LRRC36: variants seen among roughly 807,000 people sequenced by gnomAD.
The protein encoded by LRRC36 is leucine-rich repeat-containing protein 36.
Under a neutral mutation model 81.1 loss-of-function variants are expected in LRRC36, and 62 were observed. The observed-to-expected ratio is 0.76, with a 90% CI of 0.62 to 0.94. LRRC36 has a LOEUF of 0.94. LRRC36 is among the 40% of genes least tolerant of loss of function. LRRC36 has a pLI of 0.00. For missense variants in LRRC36, 761 were observed against 881.7 expected (o/e 0.86, Z 1.73); for synonymous variants, 334 against 348.6 (o/e 0.96, Z 0.47).
At position 67,347,584 on chromosome 16, in the gene LRRC36, GA is replaced by G; in HGVS notation, c.487del (p.Ser163AlafsTer7). ...GNSENFLLEV[E>X]KSSREKTMKN... ...CAGTGAAAATTTTCTTTTAGAGGTG[GA>G]AAAAAGGTAAGAAGATTCTTTACAA... On this transcript the variant is annotated frameshift_variant, in exon 4 of 14. Coordinates refer to ENST00000329956, the MANE Select transcript of LRRC36 (RefSeq NM_018296.6). LOFTEE classifies it high-confidence loss of function. 1.2e-6 allele frequency: 2 copies of G among 1,609,208 alleles called. No individual in the cohort carries two copies. Among genetic ancestry groups the G allele is most frequent in the Non-Finnish European group, 1.7e-6 (2 of 1,176,858 alleles).
At chr16:67,345,230 C>T (rs980295964) in intron 2 of LRRC36, among the ~76,000 whole-genome samples, 1 of 151,218 alleles carries the variant, frequency 6.6e-6, no homozygotes, top group Non-Finnish European at 1.5e-5. Context: ...GAGAGCATCA[C>T]TTGAGCCCAG....
At chr16:67,376,076 G>A (rs1381644252) in intron 10 of LRRC36, among the ~76,000 whole-genome samples, 2 of 152,194 alleles carry the variant, frequency 1.3e-5, no homozygotes, top group Non-Finnish European at 1.5e-5. Context: ...TTGGGAGGCC[G>A]AGGTGGGTGG....
chr16:67,347,740 CT>C (rs781342769), intron 4 of LRRC36, 149 bp downstream of exon 4: 9 of 589,308 alleles, frequency 1.5e-5, no homozygotes, highest in Non-Finnish European at 2.7e-5. Flanking sequence ...ATTCTGCAAA[CT>C]GAGATTTATC....
chr16:67,346,237 T>C lies in LRRC36; in HGVS notation c.199-19T>C. On this transcript the variant is annotated intron_variant, in intron 2 of 13. Coordinates refer to ENST00000329956, the MANE Select transcript of LRRC36 (RefSeq NM_018296.6). ...TCTTTACCAATATGCCATTTCATAA[T>C]GTGGTGTTTTCCTTGTAGGGAATCC... 3 of 1,454,264 alleles carry C rather than the reference T, an allele frequency of 2.1e-6. No homozygotes were observed. The highest frequency in any genetic ancestry group is 2.8e-6 in the Non-Finnish European group (3 of 1,065,954). The allele number at this position is 1,454,264 out of a possible 1,614,324, so 90.1% of individuals were successfully genotyped here.
Position 67,367,185 on chromosome 16 carries a change from G to A in LRRC36, c.923G>A (p.Ser308Asn). The A allele has an allele frequency of 6.8e-6, 11 of 1,614,162 alleles. No homozygotes were observed. The highest frequency in any genetic ancestry group is 9.3e-6 in the Non-Finnish European group (11 of 1,180,034). ...TFHLTHDASL[S>N]KCLDVGDSSQ... ...CATCTTACCCATGATGCCTCATTGA[G>A]TAAATGCCTGGATGTGGGTGATTCT... The change falls in exon 8 of 14, where the codon AGT becomes AAT. Residue 308 changes from serine to asparagine, a missense_variant. By Grantham distance (46) the Ser-to-Asn change is conservative. Coordinates refer to ENST00000329956, the MANE Select transcript of LRRC36 (RefSeq NM_018296.6).
intron 2 of LRRC36, among the ~76,000 whole-genome samples, chr16:67,345,498 C>T (rs1036869638): frequency 1.3e-5 from 2 of 152,060 alleles, no homozygotes; most frequent in African/African-American, 4.8e-5. Flanking sequence ...CCTGATTGTA[C>T]TGTTGCCAGT....
At position 67,353,631 on chromosome 16, in the gene LRRC36, C is replaced by T. The variant is rs185229162; in HGVS notation, c.577+3341C>T. Among the ~76,000 whole-genome samples the T allele has an allele frequency of 1.5e-3, 236 of 152,312 alleles. 2 individuals carry two copies. The highest frequency in any genetic ancestry group is 5.3e-3 in the African/African-American group (221 of 41,560). Reference sequence around the variant, plus strand: ...CGAACTCCTGGCCTCAAGTGACCCACGTTCCTCGGCCTCCCAAGGTGCTGG... The same window carrying T: ...CGAACTCCTGGCCTCAAGTGACCCATGTTCCTCGGCCTCCCAAGGTGCTGG... On this transcript the variant is annotated intron_variant, in intron 5 of 13. Transcript: ENST00000329956.
At chr16:67,369,823 A>G (rs2039558677) in intron 8 of LRRC36, among the ~76,000 whole-genome samples, 2 of 152,168 alleles carry the variant, frequency 1.3e-5, no homozygotes, top group Admixed American at 6.5e-5. Flanking sequence ...ACCCGCCCCC[A>G]TAATTCAGTT....
At chr16:67,350,384 G>C (rs149088421) in intron 5 of LRRC36, 94 bp downstream of exon 5, 3 of 1,027,722 alleles carry the variant, frequency 2.9e-6, no homozygotes, top group African/African-American at 1.6e-5. Flanking sequence ...ACATAGTTGA[G>C]AAAGAACCAA....
intron 1 of LRRC36, among the ~76,000 whole-genome samples, chr16:67,336,009 G>A (rs2037745267): frequency 1.3e-5 from 2 of 152,180 alleles, no homozygotes; most frequent in Admixed American, 6.5e-5. Context: ...TGGGATTACA[G>A]GCGTGAGCCA....
chr16:67,361,504 ACT>A (rs1491419491), intron 5 of LRRC36, among the ~76,000 whole-genome samples: 1 of 152,188 alleles, frequency 6.6e-6, no homozygotes, highest in African/African-American at 2.4e-5. Context: ...AAAATTTATC[ACT>A]TTTTTGTGAA....
At chr16:67,344,817 G>T (rs1165579156) in intron 2 of LRRC36, among the ~76,000 whole-genome samples, 2 of 152,042 alleles carry the variant, frequency 1.3e-5, no homozygotes, top group Non-Finnish European at 2.9e-5. Flanking sequence ...GGTTGTGTTG[G>T]GAATGTTTTG....
intron 3 of LRRC36, among the ~76,000 whole-genome samples, chr16:67,346,665 G>T (rs534901116): frequency 6.6e-6 from 1 of 152,186 alleles, no homozygotes; most frequent in South Asian, 2.1e-4. Flanking sequence ...TCCAGCTTTA[G>T]TTTTCTTCAG....
At chr16:67,351,442 C>T (rs527955646) in intron 5 of LRRC36, among the ~76,000 whole-genome samples, 2 of 152,266 alleles carry the variant, frequency 1.3e-5, no homozygotes, top group East Asian at 1.9e-4. Context: ...CATGGTGGCT[C>T]ACACCTGTAA....
Position 67,328,143 on chromosome 16 carries a change from G to A in LRRC36, c.70+1211G>A, listed in dbSNP as rs139053560. Among the ~76,000 whole-genome samples the A allele has an allele frequency of 1.2e-3, 175 of 152,128 alleles. 1 individual carries two copies. Among genetic ancestry groups the A allele is most frequent in the Admixed American group, 9.6e-3 (146 of 15,278 alleles). The stretch of plus-strand genomic sequence containing the variant: ...TAGTCTAATGATTAATTTGGTAGAG[G>A]GGGGAAATATGTAATATTTACTCAT... On this transcript the variant is annotated intron_variant, in intron 1 of 13. Coordinates refer to ENST00000329956, the MANE Select transcript of LRRC36 (RefSeq NM_018296.6).
chr16:67,364,773 A>T (rs2039307812), intron 6 of LRRC36, among the ~76,000 whole-genome samples: 1 of 152,226 alleles, frequency 6.6e-6, no homozygotes, highest in South Asian at 2.1e-4. Context: ...GTATCTTTTT[A>T]GTTTAAGAAA....
At chr16:67,371,314 G>A in intron 9 of LRRC36, 72 bp downstream of exon 9, 1 of 1,563,378 alleles carries the variant, frequency 6.4e-7, no homozygotes, top group Non-Finnish European at 8.8e-7. Flanking sequence ...GTTCTGTTGG[G>A]AATGGAGGTG....
Position 67,375,404 on chromosome 16 carries a change from A to T in LRRC36, c.1652A>T (p.Lys551Met). ...NGSGSLLLNKKFLGPARDLLL... is the reference protein window; with the variant it reads ...NGSGSLLLNKMFLGPARDLLL... ...TCCGGCTCCCTCCTCCTCAACAAGA[A>T]GTTTCTCGGTGAGTGAATGCATTCT... The change falls in exon 10 of 14, where the codon AAG (lysine) becomes ATG (methionine). Residue 551 changes from lysine (K) to methionine (M), a missense_variant. Transcript: ENST00000329956. The T allele has an allele frequency of 1.3e-5, 20 of 1,578,792 alleles. No individual in the cohort carries two copies. The highest frequency in any genetic ancestry group is 1.5e-5 in the Non-Finnish European group (18 of 1,169,486).
At chr16:67,374,477 C>T (rs754054852) in intron 9 of LRRC36, among the ~76,000 whole-genome samples, 13 of 152,166 alleles carry the variant, frequency 8.5e-5, no homozygotes, top group Non-Finnish European at 1.6e-4. Context: ...TCACTGCAAC[C>T]TCTGCCTCCC....
Sources: gnomAD v4.1 joint callset for allele counts (sites outside exome capture counted in the v4.1 genomes callset) on GRCh38, gnomAD v4.1.1 for gene constraint, MANE v1.5 for transcripts, NCBI Gene and HGNC (gene_info 2026-07-23, HGNC 2026-07-21) for gene names.